Variants in FBRS observed in about 807,000 individuals in gnomAD.
FBRS encodes fibrosin.
Under a neutral mutation model 86.1 loss-of-function variants are expected in FBRS, and 15 were observed. The observed-to-expected ratio is 0.17, with a 90% CI of 0.12 to 0.27. The LOEUF is 0.27. Among genes scored for constraint, FBRS ranks in the 10% least tolerant of loss-of-function variants. FBRS has a pLI of 1.00. For missense variants in FBRS, 1,367 were observed against 1,301.6 expected (o/e 1.05, Z -0.77); for synonymous variants, 666 against 575.8 (o/e 1.16, Z -2.24).
chr16:30,660,912 TAGTC>T (rs1401368117), intron 2 of FBRS, among the ~76,000 whole-genome samples: 1 of 152,116 alleles, frequency 6.6e-6, no homozygotes, highest in Admixed American at 6.6e-5. Context: ...TAGGATGTCT[TAGTC>T]AGGTCCTGAA....
Position 30,659,961 on chromosome 16 carries a change from C to T in FBRS, c.443C>T (p.Thr148Ile). The part of the protein sequence containing the change: ...IDGFAIASFA[T>I]LEALQKDASL... ...GGCTTCGCCATCGCCAGCTTCGCCACCCTCGAGGCCTTGCAGGTGGGGCCT... is the reference window on the plus strand; with the variant it reads ...GGCTTCGCCATCGCCAGCTTCGCCATCCTCGAGGCCTTGCAGGTGGGGCCT... The change falls in exon 1 of 18, where the codon ACC (threonine) becomes ATC (isoleucine). Residue 148 changes from threonine (T) to isoleucine (I), a missense_variant. By Grantham distance (89) the Thr-to-Ile change is moderately conservative (BLOSUM62 -1). This residue lies in a region of FBRS where 702 missense variants were observed against 598.7 expected (regional missense o/e 1.17). Coordinates refer to ENST00000356166, the MANE Select transcript of FBRS (RefSeq NM_001105079.3). 6.5e-7 allele frequency: 1 copy of T among 1,550,168 alleles called. No homozygotes were observed. Among genetic ancestry groups the T allele is most frequent in the Non-Finnish European group, 8.7e-7 (1 of 1,146,924 alleles).
In FBRS at chr16:30,659,385, G is replaced by A. The variant is rs1367484566; in HGVS notation, c.-134G>A. On this transcript the variant is annotated 5_prime_UTR_variant, in exon 1 of 18. Coordinates refer to ENST00000356166, the MANE Select transcript of FBRS (RefSeq NM_001105079.3). ...CCTTGGGGCAAGCTCGGGGCCAGCAGATCCGGCTTTAAAGGAGAAGCCGTG... is the reference window on the plus strand; with the variant it reads ...CCTTGGGGCAAGCTCGGGGCCAGCAAATCCGGCTTTAAAGGAGAAGCCGTG... The A allele has an allele frequency of 5.0e-6, 1 of 200,114 alleles. No individual in the cohort carries two copies. The highest frequency in any genetic ancestry group is 1.0e-5 in the Non-Finnish European group (1 of 100,338). 12.4% of individuals were successfully genotyped at this position (200,114 alleles called of 1,614,324 possible). A position where few individuals can be genotyped will look rare whatever the true frequency, so the allele number is the denominator to read the frequency against.
At position 30,658,633 on chromosome 16, in the gene FBRS, C is replaced by G. The variant is rs1411744995; in HGVS notation, c.-886C>G. On this transcript the variant is annotated 5_prime_UTR_variant, in exon 1 of 18. Coordinates refer to ENST00000356166, the MANE Select transcript of FBRS (RefSeq NM_001105079.3). Reference sequence around the variant, plus strand: ...AGGAAGAGACTTTTATGTCGGCGGACAGGGGAGCTGTACCCGTCACCGTTG... The same window carrying G: ...AGGAAGAGACTTTTATGTCGGCGGAGAGGGGAGCTGTACCCGTCACCGTTG... 6.6e-6 allele frequency: 1 copy of G among 152,342 alleles called. No individual in the cohort carries two copies. Among genetic ancestry groups the G allele is most frequent in the Non-Finnish European group, 1.5e-5 (1 of 68,106 alleles). 9.4% of individuals were successfully genotyped at this position (152,342 alleles called of 1,614,324 possible).
In FBRS at chr16:30,659,778, G is replaced by A. The variant is rs1196301570; in HGVS notation, c.260G>A (p.Arg87Lys). Residue 87 changes from arginine to lysine, a missense_variant, in exon 1 of 18, where the codon AGA becomes AAA. This residue lies in a region of FBRS where 702 missense variants were observed against 598.7 expected (regional missense o/e 1.17). Coordinates refer to ENST00000356166, the MANE Select transcript of FBRS (RefSeq NM_001105079.3). Reference protein sequence around the residue: ...GGPRRRRPRPRPRPPRPRARK... With the variant: ...GGPRRRRPRPKPRPPRPRARK... ...CCGAGACGCCGGCGGCCCCGTCCGA[G>A]ACCTCGACCCCCGCGACCCCGAGCT... is the stretch of plus-strand genomic sequence containing the variant. 6 of 1,480,884 alleles carry A rather than the reference G, an allele frequency of 4.1e-6. No homozygotes were observed. Among genetic ancestry groups the A allele is most frequent in the Non-Finnish European group, 5.4e-6 (6 of 1,117,540 alleles). The allele number at this position is 1,480,884 out of a possible 1,614,324, so 91.7% of individuals were successfully genotyped here.
At chr16:30,660,220 T>G (rs1423514378) in intron 1 of FBRS, 43 bp from the exon 2 acceptor site, 1 of 1,332,586 alleles carries the variant, frequency 7.5e-7, no homozygotes, top group Admixed American at 3.6e-5. Context: ...GGTTGGGAGC[T>G]TGCCCTTTTC....
At chr16:30,661,265 C>T (rs1357896674) in intron 3 of FBRS, 39 bp from the exon 4 acceptor site, 1 of 1,550,906 alleles carries the variant, frequency 6.4e-7, no homozygotes, top group East Asian at 2.4e-5. Flanking sequence ...CCCTGGGCCT[C>T]TTCCCTCTCG....
In FBRS at chr16:30,659,467, C is replaced by T; in HGVS notation, c.-52C>T. On this transcript the variant is annotated 5_prime_UTR_variant, in exon 1 of 18. Coordinates refer to ENST00000356166, the MANE Select transcript of FBRS (RefSeq NM_001105079.3). ...GCGCCTGCGACCCCGGGCCTGCGGA[C>T]AGGCCGCTTCGGGCCCCGCCGCCTC... is the stretch of plus-strand genomic sequence containing the variant. The T allele has an allele frequency of 7.7e-6, 2 of 259,098 alleles. No individual in the cohort carries two copies. Among genetic ancestry groups the T allele is most frequent in the Non-Finnish European group, 1.5e-5 (2 of 137,196 alleles). 16.0% of individuals were successfully genotyped at this position (259,098 alleles called of 1,614,324 possible). A position where few individuals can be genotyped will look rare whatever the true frequency, so the allele number is the denominator to read the frequency against.
chr16:30,666,831 A>C, intron 12 of FBRS, 88 bp from the exon 13 acceptor site: 3 of 1,418,728 alleles, frequency 2.1e-6, no homozygotes, highest in Non-Finnish European at 2.0e-6. Flanking sequence ...TTTTGTGGCG[A>C]GGCTGGGCCC....
chr16:30,667,065 A>G (rs1265624369), intron 13 of FBRS, 75 bp downstream of exon 13: 20 of 1,418,334 alleles, frequency 1.4e-5, no homozygotes, highest in Non-Finnish European at 1.9e-5. Context: ...TTGGCCCTCA[A>G]CAGAGCTCAG....
chr16:30,669,204 C>CGCTGCCGCT lies in FBRS; in HGVS notation c.2508_2516dup (p.Ala847_Ala849dup). On this transcript the variant is annotated inframe_insertion, in exon 18 of 18. Transcript: ENST00000356166. This position sits in a 1 kb window ranked among gnomAD's most constrained non-coding sequence, Gnocchi z 5.9. ...AGCGGAAGGAGGAGGCTGCCGCCGC[C>CGCTGCCGCT]GCTGCCGCTGCTGCTGCCGCCGCCG... 2 of 1,544,270 alleles carry CGCTGCCGCT rather than the reference C, an allele frequency of 1.3e-6. No homozygotes were observed. Among genetic ancestry groups the CGCTGCCGCT allele is most frequent in the Non-Finnish European group, 1.7e-6 (2 of 1,143,398 alleles).
In FBRS at chr16:30,658,539, A is replaced by C. The variant is rs2052412809; in HGVS notation, c.-980A>C. ...AGGAGACAACAGGAGTTTGTGCTGG[A>C]GCTCCCCCGCTGCCCATCGGCCGTT... On this transcript the variant is annotated 5_prime_UTR_variant, in exon 1 of 18. Transcript: ENST00000356166. 1 of 152,476 alleles carries C rather than the reference A, an allele frequency of 6.6e-6. No homozygotes were observed. Among genetic ancestry groups the C allele is most frequent in the Non-Finnish European group, 1.5e-5 (1 of 68,222 alleles). The allele number at this position is 152,476 out of a possible 1,614,324, so 9.4% of individuals were successfully genotyped here.
chr16:30,667,207 C>A (rs1308268495), intron 13 of FBRS, 113 bp from the exon 14 acceptor site: 2 of 980,758 alleles, frequency 2.0e-6, no homozygotes, highest in Non-Finnish European at 1.5e-6. Context: ...AGATAGGCAT[C>A]CAGGCCCCAT....
At chr16:30,667,076 C>T in intron 13 of FBRS, 86 bp downstream of exon 13, 2 of 1,354,222 alleles carry the variant, frequency 1.5e-6, no homozygotes, top group South Asian at 2.5e-5. Context: ...CAGAGCTCAG[C>T]AGAATCTTGG....
In FBRS at chr16:30,668,583, T is replaced by C. The variant is rs138839072; in HGVS notation, c.2098T>C (p.Phe700Leu). 123 of 1,612,468 alleles carry C rather than the reference T, an allele frequency of 7.6e-5. No individual in the cohort carries two copies. In the African/African-American group the frequency reaches 1.5e-3, roughly 20 times the overall value. The stretch of plus-strand genomic sequence containing the variant: ...AGATCCCTTTGGGCGTCCCACAAGC[T>C]TCGCCTCTTTGGCTGCCCTCTCCAA... ...HIDPFGRPTSFASLAALSNGA... is the reference protein window; with the variant it reads ...HIDPFGRPTSLASLAALSNGA... Residue 700 changes from phenylalanine (F) to leucine (L), a missense_variant, in exon 16 of 18, where the codon TTC becomes CTC. Phe to Leu is a conservative substitution (Grantham distance 22, BLOSUM62 0). Transcript: ENST00000356166.
rs1018132165 is a variant in FBRS, at chr16:30,665,409, C to T, written c.1704+8C>T. On this transcript the variant is annotated splice_region_variant and intron_variant, in intron 10 of 17. Coordinates refer to ENST00000356166, the MANE Select transcript of FBRS (RefSeq NM_001105079.3). The surrounding 1 kb of genome is among the most constrained non-coding windows in gnomAD (Gnocchi z 4.1). ...GGGGCCTTCCAGCCCAAGGTGAGCT[C>T]CCAATCCAGACACCACCACCGCCTA... 2 of 1,563,718 alleles carry T rather than the reference C, an allele frequency of 1.3e-6. No individual in the cohort carries two copies. The highest frequency in any genetic ancestry group is 2.7e-5 in the African/African-American group (2 of 73,540).
rs760179213 is a variant in FBRS, at chr16:30,665,661, A to G, written c.1728A>G (p.Pro576=). Reference sequence around the variant, plus strand: ...AGAGCACGAACCCTGAGCTGCCACCACGACTGGGGCCGGTGCCGAGCGGGC... The same window carrying G: ...AGAGCACGAACCCTGAGCTGCCACCGCGACTGGGGCCGGTGCCGAGCGGGC... ...QPKSTNPELP[P]RLGPVPSGLS... is the part of the protein sequence containing the mutation. Residue 576 remains proline (P), a synonymous_variant, in exon 11 of 18, where the codon CCA becomes CCG. Coordinates refer to ENST00000356166, the MANE Select transcript of FBRS (RefSeq NM_001105079.3). The surrounding 1 kb of genome is among the most constrained non-coding windows in gnomAD (Gnocchi z 4.1). The G allele has an allele frequency of 6.3e-7, 1 of 1,592,002 alleles. No homozygotes were observed. The highest frequency in any genetic ancestry group is 1.1e-5 in the South Asian group (1 of 87,164).
chr16:30,661,113 G>T (rs1039542898), intron 2 of FBRS, 67 bp from the exon 3 acceptor site: 21 of 1,548,830 alleles, frequency 1.4e-5, no homozygotes, highest in Non-Finnish European at 1.8e-5. Flanking sequence ...CGCCCTGCTG[G>T]GAGCTGCGAC....
chr16:30,669,390 C>T lies in FBRS; in HGVS notation c.2688C>T (p.Arg896=). 1.9e-6 allele frequency: 3 copies of T among 1,612,836 alleles called. No homozygotes were observed. Among genetic ancestry groups the T allele is most frequent in the Non-Finnish European group, 1.7e-6 (2 of 1,179,772 alleles). Residue 896 remains arginine, a synonymous_variant, in exon 18 of 18, where the codon CGC becomes CGT. Transcript: ENST00000356166. The surrounding 1 kb of genome is among the most constrained non-coding windows in gnomAD (Gnocchi z 5.9). ...CCCCACGCCTGGCAAGGCCACCCCGCTTCTATGAGGCGGGTGAGGAGCTAA... is the reference window on the plus strand; with the variant it reads ...CCCCACGCCTGGCAAGGCCACCCCGTTTCTATGAGGCGGGTGAGGAGCTAA... The part of the protein sequence containing the change: ...AAPPRLARPP[R]FYEAGEELTG...
At position 30,664,437 on chromosome 16, in the gene FBRS, T is replaced by G; in HGVS notation, c.1278T>G (p.Pro426=). 2 of 524,946 alleles carry G rather than the reference T, an allele frequency of 3.8e-6. No homozygotes were observed. Among genetic ancestry groups the G allele is most frequent in the Non-Finnish European group, 4.8e-6 (2 of 417,700 alleles). The allele number at this position is 524,946 out of a possible 1,614,324, so 32.5% of individuals were successfully genotyped here. A position where few individuals can be genotyped will look rare whatever the true frequency, so the allele number is the denominator to read the frequency against. Residue 426 remains proline (P), a synonymous_variant, in exon 7 of 18, where the codon CCT becomes CCG. Transcript: ENST00000356166. ...PPPHHPSLFS[P]GPTLPPPPPL... is the part of the protein sequence containing the mutation. ...CCCACCACCCCTCCTTGTTCTCCCC[T>G]GGCCCCACCCTGCCCCCACCCCCAC...
Sources: allele counts gnomAD v4.1 joint callset (sites outside exome capture counted in the v4.1 genomes callset), GRCh38; gene constraint gnomAD v4.1.1; regional missense constraint gnomAD v4.1.1; non-coding constraint Gnocchi (gnomAD v3.1); transcripts MANE v1.5; gene names NCBI Gene and HGNC (gene_info 2026-07-23, HGNC 2026-07-21).